Variants in CNTNAP2 observed in about 807,000 individuals in gnomAD.
The protein encoded by CNTNAP2 is contactin associated protein 2, also known as contactin-associated protein-like 2.
Under a neutral mutation model 155.2 loss-of-function variants are expected in CNTNAP2, and 98 were observed. That is an observed-to-expected ratio of 0.63 (90% CI 0.54 to 0.75). The LOEUF (loss-of-function observed/expected upper bound fraction) is 0.75, where lower values mean the gene tolerates loss of function less well. CNTNAP2 is among the 30% of genes least tolerant of loss of function. The pLI is 0.00. For synonymous variants in CNTNAP2, 651 were observed against 631.2 expected (o/e 1.03, Z -0.47); for missense variants, 1,727 against 1,688.1 (o/e 1.02, Z -0.40).
intron 14 of CNTNAP2, among the ~76,000 whole-genome samples, chr7:147,967,335 G>T (rs1801234076): frequency 6.6e-6 from 1 of 152,140 alleles, no homozygotes; most frequent in Non-Finnish European, 1.5e-5. Flanking sequence ...ATGTAAACAT[G>T]CATCTTTCCT....
intron 22 of CNTNAP2, among the ~76,000 whole-genome samples, chr7:148,398,151 C>A (rs767805719): frequency 1.1e-4 from 16 of 152,202 alleles, no homozygotes; most frequent in Admixed American, 2.0e-4. Flanking sequence ...CCCATGCCCC[C>A]CTTCTAACCG....
At chr7:147,033,128 T>G (rs1799067217) in intron 3 of CNTNAP2, among the ~76,000 whole-genome samples, 1 of 140,488 alleles carries the variant, frequency 7.1e-6, no homozygotes, top group African/African-American at 2.7e-5. Context: ...AGCAGTAGGG[T>G]CTAGAGAGGA....
chr7:147,332,653 G>A (rs1795593372), intron 9 of CNTNAP2, among the ~76,000 whole-genome samples: 1 of 152,136 alleles, frequency 6.6e-6, no homozygotes, highest in African/African-American at 2.4e-5. Flanking sequence ...CACAAACTCT[G>A]AAGTTCGAGA....
rs574086747 is a variant in CNTNAP2, at chr7:146,626,702, T to A, written c.98-147569T>A. On this transcript the variant is annotated intron_variant, in intron 1 of 23. Transcript: ENST00000361727. ...ATCAAAGTCATAAAAAGTAAAAAGATACAAAAGAAAAATGCATTTTTCTTA... is the reference window on the plus strand; with the variant it reads ...ATCAAAGTCATAAAAAGTAAAAAGAAACAAAAGAAAAATGCATTTTTCTTA... Among the ~76,000 whole-genome samples the A allele has an allele frequency of 7.9e-5, 12 of 152,250 alleles. No homozygotes were observed. The South Asian group carries it at 2.3e-3, about 29-fold the overall frequency.
intron 1 of CNTNAP2, among the ~76,000 whole-genome samples, chr7:146,535,512 T>A (rs1284417705): frequency 1.8e-5 from 2 of 109,758 alleles, no homozygotes; most frequent in South Asian, 2.6e-4. Flanking sequence ...TTTTAAGTAA[T>A]CAATCAACAT....
chr7:147,881,506 C>G (rs1799519703), intron 13 of CNTNAP2, among the ~76,000 whole-genome samples: 1 of 152,164 alleles, frequency 6.6e-6, no homozygotes, highest in Non-Finnish European at 1.5e-5. Flanking sequence ...CTTCCACCCG[C>G]TGAGTAGTCG....
At chr7:148,029,673 C>T (rs532733408) in intron 15 of CNTNAP2, among the ~76,000 whole-genome samples, 2 of 152,232 alleles carry the variant, frequency 1.3e-5, no homozygotes, top group East Asian at 3.9e-4. Context: ...AATTTTAAAC[C>T]TGCGAATATA....
intron 13 of CNTNAP2, among the ~76,000 whole-genome samples, chr7:147,801,402 T>C (rs1186394923): frequency 6.7e-6 from 1 of 150,228 alleles, no homozygotes; most frequent in East Asian, 2.0e-4. Flanking sequence ...AGGACAATAG[T>C]GGAGGGAAGG....
chr7:146,509,329 G>A (rs1797432309), intron 1 of CNTNAP2, among the ~76,000 whole-genome samples: 1 of 152,184 alleles, frequency 6.6e-6, no homozygotes, highest in Admixed American at 6.5e-5. Flanking sequence ...GCTGATGGAG[G>A]GAGGGATGAG....
intron 12 of CNTNAP2, among the ~76,000 whole-genome samples, chr7:147,612,416 T>TTTC (rs2116878813): frequency 6.6e-6 from 1 of 151,492 alleles, no homozygotes; most frequent in East Asian, 1.9e-4. Flanking sequence ...TTTTTTTTTT[T>TTTC]TTCTGAGACG....
At chr7:147,093,256 A>AAG (rs1800454352) in intron 4 of CNTNAP2, among the ~76,000 whole-genome samples, 1 of 150,758 alleles carries the variant, frequency 6.6e-6, no homozygotes, top group Non-Finnish European at 1.5e-5. Flanking sequence ...AAAAAAAAAA[A>AAG]AAAGAAAAAG....
At chr7:146,984,267 T>A (rs1798073249) in intron 3 of CNTNAP2, among the ~76,000 whole-genome samples, 1 of 149,708 alleles carries the variant, frequency 6.7e-6, no homozygotes. Context: ...CTCGGGAGGC[T>A]GAGGCAGGAG....
At position 146,122,300 on chromosome 7, in the gene CNTNAP2, G is replaced by A. The variant is rs761741815; in HGVS notation, c.97+5327G>A. ...TAGCGCGAAGAGCCTTATGGTGTTC[G>A]GTTCTTCCTATGGCTTGAGACTCTG... is the stretch of plus-strand genomic sequence containing the variant. On this transcript the variant is annotated intron_variant, in intron 1 of 23. Transcript: ENST00000361727. Among the ~76,000 whole-genome samples the A allele has an allele frequency of 2.0e-5, 3 of 152,170 alleles. 1 individual carries two copies. Among genetic ancestry groups the A allele is most frequent in the African/African-American group, 7.2e-5 (3 of 41,442 alleles).
chr7:147,548,737 T>G (rs773018499), intron 11 of CNTNAP2, among the ~76,000 whole-genome samples: 9 of 152,334 alleles, frequency 5.9e-5, no homozygotes, highest in African/African-American at 1.9e-4. Context: ...TTTATGATTT[T>G]GGGTTTTAAA....
chr7:146,914,172 A>G (rs768107691), intron 3 of CNTNAP2, among the ~76,000 whole-genome samples: 2 of 152,060 alleles, frequency 1.3e-5, no homozygotes, highest in African/African-American at 2.4e-5. Flanking sequence ...ATATGAATAC[A>G]CACCACATTT....
rs200786102 is a variant in CNTNAP2, at chr7:146,333,601, TTC to T, written c.97+216634_97+216635del. Among the ~76,000 whole-genome samples the T allele has an allele frequency of 8.5e-4, 129 of 152,370 alleles. 3 individuals are homozygous for T. In the East Asian group the frequency reaches 0.018, roughly 21 times the overall value. On this transcript the variant is annotated intron_variant, in intron 1 of 23. Transcript: ENST00000361727. ...ATCCATTTTCAAATCCAAGTCACAT[TTC>T]TCTCTTAGTAATCATATTATTAATA... is the stretch of plus-strand genomic sequence containing the variant.
At chr7:146,364,682 A>T (rs1167751374) in intron 1 of CNTNAP2, among the ~76,000 whole-genome samples, 2 of 152,226 alleles carry the variant, frequency 1.3e-5, no homozygotes, top group African/African-American at 4.8e-5. Flanking sequence ...ATTAGTTTAA[A>T]AAAAGAATTT....
At chr7:147,902,058 AAG>A (rs1364415914) in intron 13 of CNTNAP2, among the ~76,000 whole-genome samples, 1 of 152,220 alleles carries the variant, frequency 6.6e-6, no homozygotes, top group African/African-American at 2.4e-5. Context: ...GTTCACAAAA[AAG>A]CATGACCAGT....
At chr7:147,676,459 A>G (rs1795871128) in intron 13 of CNTNAP2, among the ~76,000 whole-genome samples, 1 of 152,026 alleles carries the variant, frequency 6.6e-6, no homozygotes, top group African/African-American at 2.4e-5. Flanking sequence ...ACATTATGGA[A>G]TGACTAGGTC....
Sources: gnomAD v4.1 joint callset for allele counts (sites outside exome capture counted in the v4.1 genomes callset) on GRCh38, gnomAD v4.1.1 for gene constraint, MANE v1.5 for transcripts, NCBI Gene and HGNC (gene_info 2026-07-23, HGNC 2026-07-21) for gene names.